The following PDS5A variants were observed in gnomAD, a reference collection of about 807,000 sequenced individuals.
PDS5A encodes the protein PDS5 cohesin associated factor A.
A neutral mutation model predicts 167.1 loss-of-function variants in PDS5A; 42 were observed. The ratio of observed to expected loss-of-function variants is 0.25; its 90% confidence interval spans 0.20 to 0.33. The LOEUF is 0.33. Among genes scored for constraint, PDS5A ranks in the 10% least tolerant of loss-of-function variants. PDS5A has a pLI of 1.00. For synonymous variants in PDS5A, 553 were observed against 554.6 expected, an observed-to-expected ratio of 1.00 and a Z score of 0.04; for missense variants, 1,033 against 1,605.9, an observed-to-expected ratio of 0.64 and a Z score of 6.10.
chr4:39,914,870 G>C (rs1724214518), intron 8 of PDS5A, among the ~76,000 whole-genome samples: 1 of 151,944 alleles, frequency 6.6e-6, no homozygotes, highest in Non-Finnish European at 1.5e-5. Flanking sequence ...AATAGTTTTG[G>C]AAAAGAGAAG....
intron 26 of PDS5A, among the ~76,000 whole-genome samples, chr4:39,858,048 A>AAAAT (rs1400481943): frequency 4.6e-5 from 7 of 152,150 alleles, no homozygotes; most frequent in Non-Finnish European, 4.4e-5. Context: ...CAGTGCTGGA[A>AAAAT]AAATAAATAA....
At chr4:39,933,991 G>T (rs939068) in intron 2 of PDS5A, among the ~76,000 whole-genome samples, 51,365 of 152,072 alleles carry the variant, frequency 0.34, 9,811 homozygotes, top group East Asian at 0.65. Context: ...TGTGCGGGCA[G>T]GCACATACAC....
chr4:39,861,189 G>A (rs1005174130), intron 26 of PDS5A, among the ~76,000 whole-genome samples: 12 of 151,572 alleles, frequency 7.9e-5, no homozygotes, highest in East Asian at 1.9e-4. Context: ...TGCCAAGTGC[G>A]GTGGCTCACG....
intron 8 of PDS5A, among the ~76,000 whole-genome samples, chr4:39,916,153 G>A (rs939824591): frequency 2.6e-5 from 4 of 151,624 alleles, no homozygotes; most frequent in Admixed American, 6.6e-5. Context: ...AAGAAAAGCC[G>A]GGCACTCCAG....
chr4:39,929,519 C>CTCTATATATATATATATATATATATA (rs1346928018), intron 2 of PDS5A, among the ~76,000 whole-genome samples: 1 of 79,406 alleles, frequency 1.3e-5, no homozygotes, highest in Non-Finnish European at 2.2e-5. Context: ...ACTTAATAAA[C>CTCTATATATATATATATATATATATA]TATATATATA....
At chr4:39,840,585 G>A (rs956290690) in intron 31 of PDS5A, among the ~76,000 whole-genome samples, 10 of 151,960 alleles carry the variant, frequency 6.6e-5, no homozygotes, top group East Asian at 3.9e-4. Context: ...TAGTAGAGAC[G>A]AGTTTTCACC....
chr4:39,910,605 C>T (rs563335015), intron 9 of PDS5A, among the ~76,000 whole-genome samples: 1 of 152,318 alleles, frequency 6.6e-6, no homozygotes, highest in African/African-American at 2.4e-5. Flanking sequence ...TCCTTCAACC[C>T]AAACTATACA....
At chr4:39,969,335 G>A (rs12650981) in intron 2 of PDS5A, among the ~76,000 whole-genome samples, 7,481 of 152,116 alleles carry the variant, frequency 0.049, 279 homozygotes, top group East Asian at 0.22. Context: ...TCTAAGTACT[G>A]TACCTATGTT....
intron 2 of PDS5A, among the ~76,000 whole-genome samples, chr4:39,943,635 A>C (rs1380634650): frequency 1.3e-5 from 2 of 150,956 alleles, no homozygotes; most frequent in African/African-American, 4.9e-5. Context: ...AAAAAAAAAA[A>C]AAAAATACAA....
chr4:39,855,698 A>G (rs189653324), intron 26 of PDS5A, among the ~76,000 whole-genome samples: 73 of 152,336 alleles, frequency 4.8e-4, no homozygotes, highest in Middle Eastern at 3.4e-3. Context: ...AGCTGAAATT[A>G]AAAATTCACT....
At chr4:39,974,286 C>G in intron 2 of PDS5A, 1 of 538,158 alleles carries the variant, frequency 1.9e-6, no homozygotes, top group Non-Finnish European at 3.8e-6. Flanking sequence ...ATGAGACCAG[C>G]TTCTTCACAG....
intron 2 of PDS5A, among the ~76,000 whole-genome samples, chr4:39,965,139 T>C (rs937093834): frequency 1.2e-4 from 19 of 152,168 alleles, no homozygotes; most frequent in Middle Eastern, 3.4e-3. Flanking sequence ...TTTTAACCAA[T>C]AGAGTAAGGT....
intron 2 of PDS5A, among the ~76,000 whole-genome samples, chr4:39,945,015 G>A (rs1474602316): frequency 6.6e-6 from 1 of 151,904 alleles, no homozygotes; most frequent in African/African-American, 2.4e-5. Flanking sequence ...AACATGTATT[G>A]TGTTCCTGCT....
chr4:39,973,667 C>G, intron 2 of PDS5A: 1 of 1,293,292 alleles, frequency 7.7e-7, no homozygotes, highest in Non-Finnish European at 1.1e-6. Context: ...ACAAAACCAT[C>G]GTATGTAGCT....
intron 17 of PDS5A, among the ~76,000 whole-genome samples, chr4:39,886,866 AT>A (rs1721523194): frequency 6.6e-6 from 1 of 151,700 alleles, no homozygotes; most frequent in Non-Finnish European, 1.5e-5. Flanking sequence ...ATTATTAGGT[AT>A]TTAATATTCT....
At chr4:39,855,218 A>G (rs966388155) in intron 26 of PDS5A, among the ~76,000 whole-genome samples, 1 of 152,214 alleles carries the variant, frequency 6.6e-6, no homozygotes, top group Non-Finnish European at 1.5e-5. Flanking sequence ...AGTGAAGGGA[A>G]TCTATGTCAG....
intron 17 of PDS5A, among the ~76,000 whole-genome samples, chr4:39,884,192 G>T (rs1006435793): frequency 3.3e-5 from 5 of 152,206 alleles, no homozygotes; most frequent in African/African-American, 1.2e-4. Flanking sequence ...CTCCCAAAGT[G>T]CTGGGATTAC....
At chr4:39,902,579 G>C (rs1264511484) in intron 12 of PDS5A, 119 bp from the exon 13 acceptor site, 11 of 544,018 alleles carry the variant, frequency 2.0e-5, no homozygotes, top group South Asian at 8.2e-5. Flanking sequence ...CTGGAGTACA[G>C]TGGTGCAAAC....
intron 2 of PDS5A, among the ~76,000 whole-genome samples, chr4:39,959,175 A>G (rs1729244858): frequency 6.6e-6 from 1 of 152,198 alleles, no homozygotes; most frequent in Non-Finnish European, 1.5e-5. Flanking sequence ...ATGAAAATCC[A>G]TTCTACTGTT....
Sources: allele counts gnomAD v4.1 joint callset (sites outside exome capture counted in the v4.1 genomes callset), GRCh38; gene constraint gnomAD v4.1.1; transcripts MANE v1.5; gene names NCBI Gene and HGNC (gene_info 2026-07-23, HGNC 2026-07-21).